Variants in KBTBD12 observed in about 807,000 individuals in gnomAD.
KBTBD12 encodes the protein kelch repeat and BTB domain-containing protein 12.
KBTBD12 carries 53 observed loss-of-function variants against 58.7 expected under a neutral mutation model. The observed-to-expected ratio is 0.90, with a 90% CI of 0.72 to 1.14. The LOEUF (loss-of-function observed/expected upper bound fraction) is 1.14, where lower values mean the gene tolerates loss of function less well. Among genes scored for constraint, KBTBD12 ranks in the 50% most tolerant of loss-of-function variants. The pLI, the probability that KBTBD12 is intolerant of heterozygous loss-of-function variation, is 0.00. For missense variants in KBTBD12, 704 were observed against 751.3 expected (o/e 0.94, Z 0.74); for synonymous variants, 236 against 259.8 (o/e 0.91, Z 0.88).
chr3:127,978,790 T>A (rs1940827192), intron 5 of KBTBD12, among the ~76,000 whole-genome samples: 1 of 152,156 alleles, frequency 6.6e-6, no homozygotes, highest in African/African-American at 2.4e-5. Flanking sequence ...CCACGTCACC[T>A]TGGAGGCATG....
chr3:127,967,016 G>T (rs1183094023), intron 5 of KBTBD12, among the ~76,000 whole-genome samples: 1 of 152,162 alleles, frequency 6.6e-6, no homozygotes, highest in African/African-American at 2.4e-5. Flanking sequence ...TTAAATTTGA[G>T]GGCACATTTT....
chr3:127,963,188 G>A lies in KBTBD12; in HGVS notation c.1493-1G>A. The A allele has an allele frequency of 6.3e-7, 1 of 1,596,296 alleles. No individual in the cohort carries two copies. The highest frequency in any genetic ancestry group is 8.5e-7 in the Non-Finnish European group (1 of 1,170,408). On this transcript the variant is annotated splice_acceptor_variant, in intron 4 of 5. Transcript: ENST00000405109. LOFTEE classifies it high-confidence loss of function. ...TCATTTCTCCACATAATTCTCTGCA[G>A]GTGGCATTGGCTGTGTAGGTCAAGA...
intron 4 of KBTBD12, among the ~76,000 whole-genome samples, chr3:127,947,082 A>G (rs968753126): frequency 1.3e-5 from 2 of 151,482 alleles, no homozygotes; most frequent in Non-Finnish European, 2.9e-5. Flanking sequence ...AGTTATTTCA[A>G]TATTTGGATA....
intron 4 of KBTBD12, among the ~76,000 whole-genome samples, chr3:127,958,629 A>T (rs573695896): frequency 2.0e-5 from 3 of 152,190 alleles, no homozygotes; most frequent in Non-Finnish European, 4.4e-5. Context: ...AACCAGCTAT[A>T]TGTCCACTCG....
chr3:127,979,499 T>C lies in KBTBD12; in HGVS notation c.1691-4598T>C, dbSNP rs545045290. Among the ~76,000 whole-genome samples the C allele has an allele frequency of 3.9e-5, 6 of 152,364 alleles. No individual in the cohort carries two copies. In the South Asian group the frequency reaches 8.3e-4, roughly 21 times the overall value. On this transcript the variant is annotated intron_variant, in intron 5 of 5. Transcript: ENST00000405109. ...AGCAAAAAGAGATCCAGAACTGAGC[T>C]GCCCAACACAACACAATGGTCAGCA...
chr3:127,962,382 T>A (rs1940459850), intron 4 of KBTBD12, among the ~76,000 whole-genome samples: 1 of 152,334 alleles, frequency 6.6e-6, no homozygotes, highest in South Asian at 2.1e-4. Context: ...GTACTTAAAG[T>A]CATGATTCTC....
At chr3:127,919,251 ATAACT>A (rs1273569649) in intron 1 of KBTBD12, among the ~76,000 whole-genome samples, 1 of 152,102 alleles carries the variant, frequency 6.6e-6, no homozygotes, top group East Asian at 1.9e-4. Flanking sequence ...AAATTTGGAA[ATAACT>A]TAAACAGCCT....
chr3:127,929,501 A>AG (rs1194034586), intron 3 of KBTBD12, among the ~76,000 whole-genome samples: 2 of 152,184 alleles, frequency 1.3e-5, no homozygotes. Flanking sequence ...CATCTGTGTA[A>AG]GAAAAGGTTG....
chr3:127,924,184 A>C (rs946748801), intron 2 of KBTBD12, 53 bp downstream of exon 2: 4 of 1,149,856 alleles, frequency 3.5e-6, no homozygotes, highest in Admixed American at 4.3e-5. Flanking sequence ...TACTAGCAGC[A>C]GTAGAAGAAA....
chr3:127,917,512 A>G (rs1442139571), intron 1 of KBTBD12, among the ~76,000 whole-genome samples: 1 of 152,154 alleles, frequency 6.6e-6, no homozygotes, highest in Non-Finnish European at 1.5e-5. Context: ...TTGGTGATCA[A>G]CTTAACTTTC....
rs752057115 is a variant in KBTBD12, at chr3:127,930,140, T to C, written c.1349T>C (p.Leu450Pro). Residue 450 changes from leucine (L) to proline (P), a missense_variant, in exon 4 of 6, where the codon CTT (leucine) becomes CCT (proline). Leu to Pro is a moderately conservative substitution (Grantham distance 98). Transcript: ENST00000405109. Reference sequence around the variant, plus strand: ...CTGTCATATTTCATACAGATGGATCTTCCTGATGAAGAACCTGATCGATTA... The same window carrying C: ...CTGTCATATTTCATACAGATGGATCCTCCTGATGAAGAACCTGATCGATTA... ...VIGGWTPQMD[L>P]PDEEPDRLSN... The C allele has an allele frequency of 3.7e-5, 58 of 1,584,078 alleles. No individual in the cohort carries two copies. The highest frequency in any genetic ancestry group is 4.9e-5 in the Non-Finnish European group (57 of 1,163,556).
At chr3:127,964,762 T>G (rs958071180) in intron 5 of KBTBD12, among the ~76,000 whole-genome samples, 7 of 152,224 alleles carry the variant, frequency 4.6e-5, no homozygotes, top group African/African-American at 1.7e-4. Flanking sequence ...CAAGAATACA[T>G]TGAAAGTTGC....
At chr3:127,916,098 A>G (rs928511377) in intron 1 of KBTBD12, among the ~76,000 whole-genome samples, 3 of 152,226 alleles carry the variant, frequency 2.0e-5, no homozygotes, top group African/African-American at 7.2e-5. Context: ...AATGAGCTAT[A>G]ATGCGGATTA....
At chr3:127,947,931 T>A (rs1454073643) in intron 4 of KBTBD12, among the ~76,000 whole-genome samples, 1 of 152,214 alleles carries the variant, frequency 6.6e-6, no homozygotes, top group Non-Finnish European at 1.5e-5. Context: ...ACCTCTCCGA[T>A]GCCTTTCAAC....
chr3:127,937,154 G>T (rs964533828), intron 4 of KBTBD12, among the ~76,000 whole-genome samples: 3 of 143,528 alleles, frequency 2.1e-5, no homozygotes, highest in South Asian at 2.3e-4. Flanking sequence ...GCAAGAACTG[G>T]TGGAAATAAT....
At chr3:127,950,670 A>G (rs1940183420) in intron 4 of KBTBD12, among the ~76,000 whole-genome samples, 1 of 152,174 alleles carries the variant, frequency 6.6e-6, no homozygotes. Context: ...CAGATCAACT[A>G]TGCATATAGT....
Position 127,963,297 on chromosome 3 carries a change from C to A in KBTBD12, c.1601C>A (p.Pro534Gln). Residue 534 changes from proline to glutamine, a missense_variant, in exon 5 of 6, where the codon CCA becomes CAA. Transcript: ENST00000405109. ...TTTTGGCGAGAGGGCCCTCCCATGC[C>A]AAGTCCCCTCCTCTCACTCCGCACC... Reference protein sequence around the residue: ...GDFWREGPPMPSPLLSLRTNS... With the variant: ...GDFWREGPPMQSPLLSLRTNS... 6.2e-7 allele frequency: 1 copy of A among 1,611,708 alleles called. No homozygotes were observed. The highest frequency in any genetic ancestry group is 8.5e-7 in the Non-Finnish European group (1 of 1,179,048).
At chr3:127,947,683 C>A (rs1576382638) in intron 4 of KBTBD12, among the ~76,000 whole-genome samples, 1 of 152,146 alleles carries the variant, frequency 6.6e-6, no homozygotes, top group Non-Finnish European at 1.5e-5. Context: ...AGAAAGTTGG[C>A]CACATGTTTG....
At chr3:127,921,286 C>T (rs1939400483) in intron 1 of KBTBD12, among the ~76,000 whole-genome samples, 1 of 152,054 alleles carries the variant, frequency 6.6e-6, no homozygotes, top group African/African-American at 2.4e-5. Flanking sequence ...CTCGGTCACC[C>T]AAGCCAAAAT....
Sources: gnomAD v4.1 joint callset for allele counts (sites outside exome capture counted in the v4.1 genomes callset) on GRCh38, gnomAD v4.1.1 for gene constraint, MANE v1.5 for transcripts, NCBI Gene and HGNC (gene_info 2026-07-23, HGNC 2026-07-21) for gene names.